ZNF704: variants seen among roughly 807,000 people sequenced by gnomAD.
ZNF704 encodes the protein glucocorticoid induced gene 1.
A neutral mutation model predicts 44.7 loss-of-function variants in ZNF704; 10 were observed. The ratio of observed to expected loss-of-function variants is 0.22; its 90% CI spans 0.14 to 0.38. The LOEUF (loss-of-function observed/expected upper bound fraction) is 0.38, where lower values mean the gene tolerates loss of function less well. ZNF704 is among the 10% of genes least tolerant of loss of function. ZNF704 has a pLI of 1.00. For synonymous variants in ZNF704, 211 were observed against 207.6 expected, an observed-to-expected ratio of 1.02 and a Z score of -0.14; for missense variants, 390 against 545.5, an observed-to-expected ratio of 0.71 and a Z score of 2.84.
intron 2 of ZNF704, among the ~76,000 whole-genome samples, chr8:80,747,411 G>C (rs1806865675): frequency 6.6e-6 from 1 of 152,156 alleles, no homozygotes; most frequent in Non-Finnish European, 1.5e-5. Context: ...AGCTCTGCTG[G>C]AAGACTTTTG....
At chr8:80,744,286 T>C (rs1450281309) in intron 2 of ZNF704, among the ~76,000 whole-genome samples, 4 of 152,150 alleles carry the variant, frequency 2.6e-5, no homozygotes, top group Non-Finnish European at 5.9e-5. Context: ...ATTTTATATA[T>C]ATATATTTGG....
chr8:80,785,762 A>G (rs1807604302), intron 2 of ZNF704, among the ~76,000 whole-genome samples: 1 of 152,054 alleles, frequency 6.6e-6, no homozygotes, highest in South Asian at 2.1e-4. Context: ...CTCATCCTGT[A>G]TATTTCCTGA....
At chr8:80,878,253 AAAGGAAGGAAGGAAGGAAGGAAGGAAGG>A (rs746307538), upstream of ZNF704, among the ~76,000 whole-genome samples, 47 of 140,158 alleles carry the variant, frequency 3.4e-4, no homozygotes, top group South Asian at 9.7e-4. Flanking sequence ...AAAGAGAAAG[AAAGGAAGGAAGGAAGGAAGGAAGGAAGG>A]AAGGAAGGAA....
At chr8:80,749,944 C>T (rs1406278296) in intron 2 of ZNF704, among the ~76,000 whole-genome samples, 6 of 152,084 alleles carry the variant, frequency 3.9e-5, no homozygotes, top group Non-Finnish European at 5.9e-5. Context: ...GTTCCAGGTG[C>T]GTGAATCTCC....
chr8:80,790,983 G>A (rs1378616286), intron 2 of ZNF704, among the ~76,000 whole-genome samples: 1 of 152,092 alleles, frequency 6.6e-6, no homozygotes, highest in African/African-American at 2.4e-5. Context: ...AATGAAGGAA[G>A]AAAGTGTCCC....
chr8:80,670,757 G>A (rs1222030135), intron 4 of ZNF704, among the ~76,000 whole-genome samples, 154 bp from the exon 5 acceptor site: 1 of 152,172 alleles, frequency 6.6e-6, no homozygotes. Flanking sequence ...GCATCCCTAG[G>A]TTTGTGAGTA....
chr8:80,646,036 T>C (rs1305901526), intron 7 of ZNF704, among the ~76,000 whole-genome samples: 1 of 152,218 alleles, frequency 6.6e-6, no homozygotes, highest in Non-Finnish European at 1.5e-5. Flanking sequence ...TGCCATGTGA[T>C]GATGCAGCAT....
chr8:80,760,303 A>C (rs1414254725), intron 2 of ZNF704, among the ~76,000 whole-genome samples: 1 of 152,178 alleles, frequency 6.6e-6, no homozygotes, highest in African/African-American at 2.4e-5. Context: ...ATTTTGATTA[A>C]TGAGGCTGAA....
chr8:80,839,302 G>T lies in ZNF704; in HGVS notation c.-21-17687C>A, dbSNP rs530186981. 1.1e-4 allele frequency among the ~76,000 whole-genome samples: 16 copies of T among 152,236 alleles called. No individual in the cohort carries two copies. The South Asian group carries it at 3.3e-3, about 32-fold the overall frequency. ...TTAGAAGCAGATTTTAAGTAAAAAAGAATATTGATTGCTGAAGGTTCTTCC... is the reference window on the plus strand; with the variant it reads ...TTAGAAGCAGATTTTAAGTAAAAAATAATATTGATTGCTGAAGGTTCTTCC... On this transcript the variant is annotated intron_variant, in intron 1 of 8. Transcript: ENST00000327835.
chr8:80,705,492 C>CTG (rs145650149), intron 2 of ZNF704, among the ~76,000 whole-genome samples: 75 of 149,576 alleles, frequency 5.0e-4, no homozygotes, highest in African/African-American at 1.7e-3. Flanking sequence ...TCTGGGTCCT[C>CTG]TGTGTGTGTG....
At chr8:80,867,330 T>C (rs1358426329) in intron 1 of ZNF704, among the ~76,000 whole-genome samples, 3 of 152,156 alleles carry the variant, frequency 2.0e-5, no homozygotes, top group African/African-American at 7.2e-5. Flanking sequence ...AAGCAGTAAG[T>C]AGTAGACCAC....
intron 2 of ZNF704, among the ~76,000 whole-genome samples, chr8:80,762,424 A>G (rs998615709): frequency 2.0e-5 from 3 of 152,320 alleles, no homozygotes; most frequent in Middle Eastern, 3.4e-3. Flanking sequence ...CCTTCTTCAC[A>G]TGGTGGCAGG....
chr8:80,660,271 G>C (rs531097636), intron 6 of ZNF704, among the ~76,000 whole-genome samples: 10 of 152,088 alleles, frequency 6.6e-5, no homozygotes, highest in Non-Finnish European at 1.3e-4. Context: ...CAGAGTTTGA[G>C]ACCAGCGAGG....
intron 1 of ZNF704, among the ~76,000 whole-genome samples, chr8:80,860,877 CT>C (rs747818723): frequency 2.6e-5 from 4 of 152,186 alleles, no homozygotes; most frequent in East Asian, 1.9e-4. Context: ...ATGTCAAACA[CT>C]TTTACTGCTG....
At chr8:80,769,405 T>C (rs1228621456) in intron 2 of ZNF704, among the ~76,000 whole-genome samples, 1 of 152,200 alleles carries the variant, frequency 6.6e-6, no homozygotes, top group Non-Finnish European at 1.5e-5. Context: ...ACTAAAGACA[T>C]ACCTGAGACT....
At chr8:80,829,848 T>C (rs929211835) in intron 1 of ZNF704, among the ~76,000 whole-genome samples, 1 of 152,192 alleles carries the variant, frequency 6.6e-6, no homozygotes, top group Non-Finnish European at 1.5e-5. Context: ...CCCAGACTTC[T>C]TATTTAAAAG....
Position 80,687,433 on chromosome 8 carries a change from C to A in ZNF704, c.351G>T (p.Glu117Asp). Reference sequence around the variant, plus strand: ...TGGTGCTGGAAGGCACGCAGCCGCCCTCCTTCCAGGATCCGCTGAGGCTCT... The same window carrying A: ...TGGTGCTGGAAGGCACGCAGCCGCCATCCTTCCAGGATCCGCTGAGGCTCT... ...PNESLSGSWK[E>D]GGCVPSSTSS... The change falls in exon 4 of 9, where the codon GAG becomes GAT. Residue 117 changes from glutamate to aspartate, a missense_variant. Transcript: ENST00000327835. 1 of 1,584,066 alleles carries A rather than the reference C, an allele frequency of 6.3e-7. No homozygotes were observed. Among genetic ancestry groups the A allele is most frequent in the Non-Finnish European group, 8.6e-7 (1 of 1,166,788 alleles).
At chr8:80,769,608 C>T (rs1197449220) in intron 2 of ZNF704, among the ~76,000 whole-genome samples, 2 of 152,218 alleles carry the variant, frequency 1.3e-5, no homozygotes, top group Non-Finnish European at 1.5e-5. Flanking sequence ...GACCTTTGCT[C>T]CAGTTCCCAA....
chr8:80,749,015 T>C (rs1806896239), intron 2 of ZNF704, among the ~76,000 whole-genome samples: 1 of 152,210 alleles, frequency 6.6e-6, no homozygotes, highest in African/African-American at 2.4e-5. Context: ...TTTAAAGCAA[T>C]TTGATATCTA....
Sources: gnomAD v4.1 joint callset for allele counts (sites outside exome capture counted in the v4.1 genomes callset) on GRCh38, gnomAD v4.1.1 for gene constraint, MANE v1.5 for transcripts, NCBI Gene and HGNC (gene_info 2026-07-23, HGNC 2026-07-21) for gene names.